Variants in FAT4 observed in about 807,000 individuals in gnomAD.
FAT4 encodes the protein FAT atypical cadherin 4.
FAT4 carries 84 observed loss-of-function variants against 303.9 expected under a neutral mutation model. The ratio of observed to expected loss-of-function variants is 0.28; its 90% confidence interval spans 0.23 to 0.33. FAT4 has a LOEUF of 0.33. Among genes scored for constraint, FAT4 ranks in the 10% least tolerant of loss-of-function variants. The pLI is 1.00. For missense variants in FAT4, 6,005 were observed against 6,146.8 expected (o/e 0.98, Z 0.77); for synonymous variants, 2,307 against 2,298.8 (o/e 1.00, Z -0.10).
intron 11 of FAT4, among the ~76,000 whole-genome samples, chr4:125,464,596 G>A (rs988930226): frequency 1.3e-5 from 2 of 151,580 alleles, no homozygotes; most frequent in Non-Finnish European, 2.9e-5. Context: ...GTATACATGT[G>A]CCATGTTGGT....
At chr4:125,349,075 C>G (rs1213565777) in intron 2 of FAT4, among the ~76,000 whole-genome samples, 1 of 151,534 alleles carries the variant, frequency 6.6e-6, no homozygotes, top group Non-Finnish European at 1.5e-5. Flanking sequence ...TTAAATTATC[C>G]AGAGGGGTTT....
At chr4:125,411,632 TAGAAATTAGA>T (rs1440065771) in intron 5 of FAT4, among the ~76,000 whole-genome samples, 3 of 151,334 alleles carry the variant, frequency 2.0e-5, no homozygotes, top group Non-Finnish European at 4.4e-5. Flanking sequence ...TAGTTCTTTA[TAGAAATTAGA>T]AGATAACATT....
intron 7 of FAT4, 54 bp downstream of exon 7, chr4:125,416,676 T>G: frequency 6.4e-7 from 1 of 1,573,156 alleles, no homozygotes; most frequent in Non-Finnish European, 8.7e-7. Context: ...CCAGGCACGG[T>G]GGCTCATGCC....
At chr4:125,485,020 CTT>C (rs1478902636) in intron 16 of FAT4, among the ~76,000 whole-genome samples, 1 of 151,886 alleles carries the variant, frequency 6.6e-6, no homozygotes, top group African/African-American at 2.4e-5. Flanking sequence ...GCCGGGCTAA[CTT>C]TTGTATTTTT....
At chr4:125,326,421 A>G (rs1731157752) in intron 2 of FAT4, among the ~76,000 whole-genome samples, 1 of 152,066 alleles carries the variant, frequency 6.6e-6, no homozygotes, top group Non-Finnish European at 1.5e-5. Flanking sequence ...GAATATTGCT[A>G]TGTTTAGACA....
At chr4:125,400,716 T>TAA (rs3034198) in intron 3 of FAT4, among the ~76,000 whole-genome samples, 54,715 of 151,304 alleles carry the variant, frequency 0.36, 11,390 homozygotes, top group Non-Finnish European at 0.46. Flanking sequence ...TTTTTAAGTT[T>TAA]AAAAAAAAAT....
intron 7 of FAT4, among the ~76,000 whole-genome samples, chr4:125,423,090 G>T (rs551558842): frequency 1.3e-5 from 2 of 152,166 alleles, no homozygotes; most frequent in Non-Finnish European, 2.9e-5. Flanking sequence ...AGATGAAGCA[G>T]AGCATAAAAG....
chr4:125,376,486 A>C (rs1421342248), intron 2 of FAT4, among the ~76,000 whole-genome samples: 2 of 152,154 alleles, frequency 1.3e-5, no homozygotes, highest in African/African-American at 4.8e-5. Context: ...CATTAGGAGA[A>C]ATACCTAATG....
intron 2 of FAT4, among the ~76,000 whole-genome samples, chr4:125,353,859 T>G (rs1287559090): frequency 6.6e-6 from 1 of 151,680 alleles, no homozygotes; most frequent in Non-Finnish European, 1.5e-5. Flanking sequence ...TTTGAGAATT[T>G]GCAAAGCCAT....
Position 125,318,916 on chromosome 4 carries a change from G to A in FAT4, c.2505G>A (p.Gln835=), listed in dbSNP as rs1007046760. Residue 835 remains glutamine (Q), a synonymous_variant, in exon 2 of 18, where the codon CAG becomes CAA. Transcript: ENST00000394329. ...NISYLITTGD[Q]KGMFAINQVT... ...GTTATCTCATTACTACTGGGGATCA[G>A]AAAGGTATGTTTGCTATCAACCAGG... 1 of 1,614,064 alleles carries A rather than the reference G, an allele frequency of 6.2e-7. No individual in the cohort carries two copies. The highest frequency in any genetic ancestry group is 1.3e-5 in the African/African-American group (1 of 74,922).
At chr4:125,328,979 A>G (rs1731266034) in intron 2 of FAT4, among the ~76,000 whole-genome samples, 1 of 152,220 alleles carries the variant, frequency 6.6e-6, no homozygotes, top group South Asian at 2.1e-4. Flanking sequence ...ATGATGAAAA[A>G]ATATAAGATA....
At chr4:125,482,284 C>G (rs1727257207) in intron 16 of FAT4, among the ~76,000 whole-genome samples, 3 of 152,078 alleles carry the variant, frequency 2.0e-5, no homozygotes, top group Admixed American at 2.0e-4. Flanking sequence ...TATAATTTTA[C>G]TTAACCTTTC....
intron 2 of FAT4, among the ~76,000 whole-genome samples, chr4:125,322,126 T>C (rs1730980232): frequency 6.6e-6 from 1 of 152,210 alleles, no homozygotes; most frequent in African/African-American, 2.4e-5. Context: ...CTAATTTTAA[T>C]GTGCTGAGCC....
At chr4:125,437,115 A>G (rs1725481202) in intron 8 of FAT4, among the ~76,000 whole-genome samples, 2 of 152,084 alleles carry the variant, frequency 1.3e-5, no homozygotes, top group African/African-American at 4.8e-5. Flanking sequence ...TCCGCCTTCC[A>G]AAGTGCTGGG....
intron 2 of FAT4, among the ~76,000 whole-genome samples, chr4:125,372,596 TAA>T (rs1004832612): frequency 1.8e-4 from 28 of 151,824 alleles, no homozygotes; most frequent in African/African-American, 6.8e-4. Flanking sequence ...GAAGCTGGCT[TAA>T]AAAAAAGGGA....
At chr4:125,389,353 T>A (rs6830885) in intron 2 of FAT4, among the ~76,000 whole-genome samples, 8,859 of 152,208 alleles carry the variant, frequency 0.058, 411 homozygotes, top group East Asian at 0.19. Context: ...TTTCTTGTAC[T>A]AAAGTGTTTC....
chr4:125,339,330 G>A (rs1460615106), intron 2 of FAT4, among the ~76,000 whole-genome samples: 1 of 151,784 alleles, frequency 6.6e-6, no homozygotes, highest in East Asian at 1.9e-4. Context: ...CGAGTAGCTG[G>A]GATTACAGGC....
chr4:125,387,004 G>T (rs780114699), intron 2 of FAT4, among the ~76,000 whole-genome samples: 1 of 152,014 alleles, frequency 6.6e-6, no homozygotes, highest in African/African-American at 2.4e-5. Context: ...TAGATCCTTC[G>T]CATGCACCAT....
rs557414308 is a variant in FAT4 at position 125,445,998 on chromosome 4, T to C, written c.7200-295T>C. On this transcript the variant is annotated intron_variant, in intron 8 of 17. Coordinates refer to ENST00000394329, the MANE Select transcript of FAT4 (RefSeq NM_001291303.3). The stretch of plus-strand genomic sequence containing the variant: ...CCCCTGATTTATGCTTTTAGGCTCA[T>C]TTATTTAAAGCCTTAGGGGTTTGTT... The C allele has an allele frequency of 9.2e-5, 19 of 206,246 alleles. No individual in the cohort carries two copies. The South Asian group carries it at 1.1e-3, about 12-fold the overall frequency. The allele number at this position is 206,246 out of a possible 1,614,324, so 12.8% of individuals were successfully genotyped here. A position where few individuals can be genotyped will look rare whatever the true frequency, so the allele number is the denominator to read the frequency against.
Sources: gnomAD v4.1 joint callset for allele counts (sites outside exome capture counted in the v4.1 genomes callset) on GRCh38, gnomAD v4.1.1 for gene constraint, MANE v1.5 for transcripts, NCBI Gene and HGNC (gene_info 2026-07-23, HGNC 2026-07-21) for gene names.